NGLY1: variants seen among roughly 807,000 people sequenced by gnomAD.
NGLY1 encodes the protein peptide-N(4)-(N-acetyl-beta-glucosaminyl)asparagine amidase.
In NGLY1, 68 loss-of-function variants were observed where a neutral mutation model predicts 84.6. That is an observed-to-expected ratio of 0.80 (90% CI 0.66 to 0.98). The LOEUF is 0.98. Among genes scored for constraint, NGLY1 ranks in the 50% least tolerant of loss-of-function variants. The probability of loss-of-function intolerance (pLI) is 0.00; values close to 1 mark genes in which losing one functional copy is unlikely to be tolerated. For synonymous variants in NGLY1, 280 were observed against 275.2 expected (o/e 1.02, Z -0.17); for missense variants, 779 against 770.2 (o/e 1.01, Z -0.14).
upstream of NGLY1, chr3:25,783,662 G>A (rs1258437670): frequency 3.6e-6 from 1 of 278,234 alleles, no homozygotes; most frequent in African/African-American, 2.4e-5. This position sits in a 1 kb window ranked among gnomAD's most constrained non-coding sequence, Gnocchi z 4.5. Flanking sequence ...GCTCGGCTGG[G>A]AGCTACGGCT....
intron 5 of NGLY1, among the ~76,000 whole-genome samples, chr3:25,737,840 G>A (rs959718011): frequency 6.6e-6 from 1 of 152,008 alleles, no homozygotes; most frequent in Non-Finnish European, 1.5e-5. Flanking sequence ...CACTGCGCCC[G>A]GCCTTTAATT....
intron 1 of NGLY1, 39 bp from the exon 2 acceptor site, chr3:25,778,727 C>T: frequency 7.8e-7 from 1 of 1,285,244 alleles, no homozygotes; most frequent in South Asian, 1.3e-5. Flanking sequence ...ATAAAAAAAA[C>T]CAGGTCATAG....
rs1458877517 is a variant in NGLY1, at chr3:25,764,054, T to C, written c.492+12A>G. The C allele has an allele frequency of 6.2e-7, 1 of 1,613,466 alleles. No homozygotes were observed. Among genetic ancestry groups the C allele is most frequent in the Non-Finnish European group, 8.5e-7 (1 of 1,179,616 alleles). Reference sequence around the variant, plus strand: ...AAAGAAACAGTTAAAGAAGGTTTAATTCTAACATTACCGTTGAAGCAGATG... The same window carrying C: ...AAAGAAACAGTTAAAGAAGGTTTAACTCTAACATTACCGTTGAAGCAGATG... On this transcript the variant is annotated intron_variant, in intron 3 of 11. Coordinates refer to ENST00000280700, the MANE Select transcript of NGLY1 (RefSeq NM_018297.4).
chr3:25,731,059 G>C (rs1196446885), intron 9 of NGLY1, among the ~76,000 whole-genome samples: 1 of 151,892 alleles, frequency 6.6e-6, no homozygotes, highest in African/African-American at 2.4e-5. Flanking sequence ...TATTTCCATT[G>C]TTATTTAATT....
intron 3 of NGLY1, among the ~76,000 whole-genome samples, chr3:25,761,816 C>G (rs1707335498): frequency 1.3e-5 from 2 of 152,128 alleles, no homozygotes; most frequent in South Asian, 2.1e-4. Flanking sequence ...AAATGTCCAT[C>G]AACTGATGAA....
chr3:25,749,982 T>C (rs1232926060), intron 4 of NGLY1: 6 of 585,182 alleles, frequency 1.0e-5, no homozygotes, highest in Non-Finnish European at 1.5e-5. Flanking sequence ...TGCAATATGT[T>C]ACAACCTAGA....
Position 25,737,355 on chromosome 3 carries a change from G to A in NGLY1, c.982C>T (p.Arg328Cys), listed in dbSNP as rs762276611. Residue 328 changes from arginine to cysteine, a missense_variant, in exon 6 of 12, where the codon CGC becomes TGC. Coordinates refer to ENST00000280700, the MANE Select transcript of NGLY1 (RefSeq NM_018297.4). ...LCCRAVGFEARYVWDYTDHVW... is the reference protein window; with the variant it reads ...LCCRAVGFEACYVWDYTDHVW... Reference sequence around the variant, plus strand: ...GTACCTGTGTAATCCCAAACATAGCGAGCTTCAAACCCTACAGCTCGGCAG... The same window carrying A: ...GTACCTGTGTAATCCCAAACATAGCAAGCTTCAAACCCTACAGCTCGGCAG... 1.2e-5 allele frequency: 19 copies of A among 1,612,968 alleles called. No homozygotes were observed. The highest frequency in any genetic ancestry group is 1.4e-5 in the Non-Finnish European group (16 of 1,179,686).
chr3:25,775,725 T>C (rs935047269), intron 2 of NGLY1, among the ~76,000 whole-genome samples: 3 of 152,178 alleles, frequency 2.0e-5, no homozygotes, highest in African/African-American at 7.2e-5. Context: ...AGAAAGAGAT[T>C]GGTTAATGGG....
chr3:25,728,998 T>C, intron 10 of NGLY1, 135 bp downstream of exon 10: 4 of 514,694 alleles, frequency 7.8e-6, no homozygotes, highest in Non-Finnish European at 9.2e-6. Context: ...CAGAATTTTC[T>C]TTTCCAGGTT....
At chr3:25,773,286 T>C (rs1265608231) in intron 2 of NGLY1, among the ~76,000 whole-genome samples, 1 of 152,076 alleles carries the variant, frequency 6.6e-6, no homozygotes. Context: ...TTTGGTCATT[T>C]AACATAATCC....
At chr3:25,785,800 C>A (rs1206964443), upstream of NGLY1, among the ~76,000 whole-genome samples, 1 of 152,236 alleles carries the variant, frequency 6.6e-6, no homozygotes, top group African/African-American at 2.4e-5. Context: ...TTTCCCCTGA[C>A]AGATAGAATG....
intron 2 of NGLY1, among the ~76,000 whole-genome samples, chr3:25,770,529 T>C (rs1707839988): frequency 1.3e-5 from 2 of 152,220 alleles, no homozygotes; most frequent in Non-Finnish European, 2.9e-5. Flanking sequence ...ACTAAAAACA[T>C]GCGTGTGCAA....
intron 3 of NGLY1, among the ~76,000 whole-genome samples, chr3:25,763,539 T>A (rs2364593): frequency 0.66 from 100,037 of 152,100 alleles, 38,794 homozygotes; most frequent in East Asian, 0.94. Flanking sequence ...TACAGAAATA[T>A]CACAAGAATT....
rs1707875200 is a variant in NGLY1, at chr3:25,771,153, C to T, written c.247-6842G>A. Among the ~76,000 whole-genome samples, 6 of 152,204 alleles carry T rather than the reference C, an allele frequency of 3.9e-5. No individual in the cohort carries two copies. In the South Asian group the frequency reaches 1.2e-3, roughly 32 times the overall value. ...TCTAGACTAGTTTTTCTGATGTTAT[C>T]TTCTAGAATTTTTTATGGTTCCAGG... On this transcript the variant is annotated intron_variant, in intron 2 of 11. Transcript: ENST00000280700.
intron 11 of NGLY1, 116 bp downstream of exon 11, chr3:25,719,898 T>C (rs1420668046): frequency 6.3e-6 from 5 of 795,988 alleles, no homozygotes; most frequent in Non-Finnish European, 9.3e-6. Context: ...TTTTTTTTAC[T>C]GAAATAGTAT....
At position 25,737,321 on chromosome 3, in the gene NGLY1, C is replaced by T. The variant is rs774909250; in HGVS notation, c.1003+13G>A. 1.1e-5 allele frequency: 18 copies of T among 1,600,494 alleles called. No homozygotes were observed. The highest frequency in any genetic ancestry group is 1.7e-4 in the Middle Eastern group (1 of 6,020). ...AAAGCCCTACTACCCTCTGCTCATT[C>T]CACATTCTGTACCTGTGTAATCCCA... On this transcript the variant is annotated intron_variant, in intron 6 of 11. Transcript: ENST00000280700.
intron 2 of NGLY1, among the ~76,000 whole-genome samples, chr3:25,765,473 AG>A (rs1290320188): frequency 6.6e-5 from 10 of 151,344 alleles, no homozygotes; most frequent in Non-Finnish European, 2.9e-5. Flanking sequence ...AAAAAAAAAA[AG>A]TTGCAACAGT....
rs1374469723 is a variant in NGLY1, at chr3:25,729,120, T to C, written c.1611+13A>G. Reference sequence around the variant, plus strand: ...ATGACAAAAGTTTTAAATGGTTTTATGCATTAAGTTACCATGTGCCAGTCT... The same window carrying C: ...ATGACAAAAGTTTTAAATGGTTTTACGCATTAAGTTACCATGTGCCAGTCT... On this transcript the variant is annotated intron_variant, in intron 10 of 11. Transcript: ENST00000280700. 23 of 1,423,858 alleles carry C rather than the reference T, an allele frequency of 1.6e-5. No homozygotes were observed. The highest frequency in any genetic ancestry group is 2.1e-5 in the Non-Finnish European group (23 of 1,073,916). 88.2% of individuals were successfully genotyped at this position (1,423,858 alleles called of 1,614,324 possible). A position where few individuals can be genotyped will look rare whatever the true frequency, so the allele number is the denominator to read the frequency against.
intron 3 of NGLY1, among the ~76,000 whole-genome samples, chr3:25,760,362 T>C (rs566886389): frequency 6.6e-6 from 1 of 152,300 alleles, no homozygotes; most frequent in South Asian, 2.1e-4. Context: ...GAATTCTCAG[T>C]TTACCTTTTT....
Sources: allele counts gnomAD v4.1 joint callset (sites outside exome capture counted in the v4.1 genomes callset), GRCh38; gene constraint gnomAD v4.1.1; non-coding constraint Gnocchi (gnomAD v3.1); transcripts MANE v1.5; gene names NCBI Gene and HGNC (gene_info 2026-07-23, HGNC 2026-07-21).